Variants in GABRA1 observed in about 807,000 individuals in gnomAD.
GABRA1 encodes gamma-aminobutyric acid receptor subunit alpha-1.
GABRA1 carries 9 observed loss-of-function variants against 48.9 expected under a neutral mutation model. The ratio of observed to expected loss-of-function variants is 0.18; its 90% CI spans 0.11 to 0.32. The LOEUF is 0.32. Among genes scored for constraint, GABRA1 ranks in the 10% least tolerant of loss-of-function variants. GABRA1 has a pLI of 1.00. For missense variants in GABRA1, 285 were observed against 553.8 expected (o/e 0.51, Z 4.87); for synonymous variants, 210 against 198.7 (o/e 1.06, Z -0.48).
intron 4 of GABRA1, 59 bp downstream of exon 4, chr5:161,865,847 A>G: frequency 1.4e-6 from 2 of 1,438,068 alleles, no homozygotes; most frequent in South Asian, 2.3e-5. Flanking sequence ...AACTTTTCAA[A>G]GAAAAATATA....
Position 161,895,268 on chromosome 5 carries a change from G to C in GABRA1, c.857-398G>C, listed in dbSNP as rs938498395. On this transcript the variant is annotated intron_variant, in intron 8 of 9. Coordinates refer to ENST00000393943, the MANE Select transcript of GABRA1 (RefSeq NM_001127644.2). Reference sequence around the variant, plus strand: ...TGGGGTACATAGAATATTAAACAGAGCTGAGTATCCAGAAGTTACCTGTGG... The same window carrying C: ...TGGGGTACATAGAATATTAAACAGACCTGAGTATCCAGAAGTTACCTGTGG... Among the ~76,000 whole-genome samples, 18 of 152,100 alleles carry C rather than the reference G, an allele frequency of 1.2e-4. 1 individual carries two copies. The highest frequency in any genetic ancestry group is 2.5e-4 in the Non-Finnish European group (17 of 68,008).
intron 2 of GABRA1, 49 bp downstream of exon 2, chr5:161,850,933 A>C (rs1027384166): frequency 3.3e-6 from 5 of 1,499,578 alleles, no homozygotes; most frequent in Non-Finnish European, 4.6e-6. Context: ...GTAACTTTTC[A>C]TTTATTTTAT....
At chr5:161,874,295 A>G (rs998919211) in intron 5 of GABRA1, among the ~76,000 whole-genome samples, 7 of 152,200 alleles carry the variant, frequency 4.6e-5, no homozygotes, top group African/African-American at 1.7e-4. Flanking sequence ...AAATTCTTCA[A>G]GAGACACTTT....
intron 6 of GABRA1, among the ~76,000 whole-genome samples, chr5:161,875,853 A>G (rs1433679890): frequency 6.6e-6 from 1 of 152,216 alleles, no homozygotes; most frequent in African/African-American, 2.4e-5. Flanking sequence ...ACTAGAAAGC[A>G]TGGATTAAAC....
intron 3 of GABRA1, among the ~76,000 whole-genome samples, chr5:161,855,834 G>A (rs552449338): frequency 2.0e-5 from 3 of 151,322 alleles, no homozygotes; most frequent in African/African-American, 7.2e-5. Flanking sequence ...TCCCTAAAAA[G>A]TCAGCAGAAT....
intron 4 of GABRA1, among the ~76,000 whole-genome samples, chr5:161,868,001 G>T (rs1357395935): frequency 5.3e-5 from 8 of 151,530 alleles, no homozygotes; most frequent in African/African-American, 1.9e-4. Context: ...TAGAGTAAAT[G>T]TTAAATTACT....
chr5:161,850,926 A>T, intron 2 of GABRA1, 42 bp downstream of exon 2: 2 of 1,524,292 alleles, frequency 1.3e-6, no homozygotes, highest in Middle Eastern at 1.7e-4. Context: ...AATTTCTGTA[A>T]CTTTTCATTT....
At chr5:161,882,286 T>G (rs1344782003) in intron 6 of GABRA1, 1 of 482,210 alleles carries the variant, frequency 2.1e-6, no homozygotes, top group Non-Finnish European at 3.8e-6. Context: ...ATAAAGAACA[T>G]TTGTTCTTAT....
intron 4 of GABRA1, among the ~76,000 whole-genome samples, chr5:161,868,677 T>C (rs567945465): frequency 3.3e-5 from 5 of 152,274 alleles, no homozygotes; most frequent in African/African-American, 1.2e-4. Context: ...ACAGAGTCAA[T>C]GTCCAATAGG....
intron 4 of GABRA1, among the ~76,000 whole-genome samples, chr5:161,870,242 G>A (rs747094674): frequency 1.2e-4 from 18 of 152,006 alleles, no homozygotes; most frequent in East Asian, 1.9e-4. Flanking sequence ...TCTGCTGCTC[G>A]CCTCTCTCTT....
chr5:161,888,207 T>A (rs890208837), intron 7 of GABRA1, among the ~76,000 whole-genome samples: 1 of 152,140 alleles, frequency 6.6e-6, no homozygotes, highest in Non-Finnish European at 1.5e-5. Flanking sequence ...CATAAGCACT[T>A]GATGTCTAGA....
Position 161,899,638 on chromosome 5 carries a change from T to G in GABRA1, c.*2216T>G, listed in dbSNP as rs556870416. ...TCTACTGTATAAATGATTGCAAAGTTTATCAAAAACAAATTATTATATGTA... is the reference window on the plus strand; with the variant it reads ...TCTACTGTATAAATGATTGCAAAGTGTATCAAAAACAAATTATTATATGTA... On this transcript the variant is annotated 3_prime_UTR_variant, in exon 10 of 10. Coordinates refer to ENST00000393943, the MANE Select transcript of GABRA1 (RefSeq NM_001127644.2). The G allele has an allele frequency of 6.6e-6, 1 of 152,292 alleles. No homozygotes were observed. The highest frequency in any genetic ancestry group is 2.4e-5 in the African/African-American group (1 of 41,564). The allele number at this position is 152,292 out of a possible 1,614,324, so 9.4% of individuals were successfully genotyped here. A position where few individuals can be genotyped will look rare whatever the true frequency, so the allele number is the denominator to read the frequency against.
At chr5:161,893,009 A>AAAAAATAAT (rs1554087333) in intron 8 of GABRA1, among the ~76,000 whole-genome samples, 5 of 122,432 alleles carry the variant, frequency 4.1e-5, no homozygotes, top group East Asian at 2.7e-4. Context: ...CTTCTCAAAA[A>AAAAAATAAT]AATAATAATA....
intron 6 of GABRA1, among the ~76,000 whole-genome samples, chr5:161,877,876 C>T (rs974885656): frequency 5.9e-5 from 9 of 152,176 alleles, no homozygotes; most frequent in Non-Finnish European, 1.0e-4. Flanking sequence ...TGGCTGACTT[C>T]TATCTCTCCA....
At chr5:161,895,422 G>C (rs2113463262) in intron 8 of GABRA1, among the ~76,000 whole-genome samples, 1 of 152,246 alleles carries the variant, frequency 6.6e-6, no homozygotes, top group East Asian at 1.9e-4. Context: ...ATCTTCTGAA[G>C]AGCACCTCAA....
At chr5:161,848,971 T>C (rs1272906768) in intron 1 of GABRA1, 2 of 455,508 alleles carry the variant, frequency 4.4e-6, no homozygotes, top group Non-Finnish European at 8.8e-6. Flanking sequence ...CCCTCTTGTG[T>C]AGGGGTCTCT....
intron 7 of GABRA1, among the ~76,000 whole-genome samples, chr5:161,884,741 G>T (rs1754769478): frequency 6.6e-6 from 1 of 152,168 alleles, no homozygotes; most frequent in Non-Finnish European, 1.5e-5. Context: ...AAATGCAGTA[G>T]TATGCAGGCA....
At chr5:161,868,367 C>G (rs1191091287) in intron 4 of GABRA1, among the ~76,000 whole-genome samples, 2 of 152,006 alleles carry the variant, frequency 1.3e-5, no homozygotes, top group Admixed American at 1.3e-4. Context: ...TATAGGCAGC[C>G]AGCAGCCAAA....
chr5:161,856,685 CT>C (rs1177556019), intron 3 of GABRA1, among the ~76,000 whole-genome samples: 1 of 150,434 alleles, frequency 6.6e-6, no homozygotes, highest in Middle Eastern at 3.2e-3. Context: ...TTTAAATATT[CT>C]TTTTTTGGAA....
Sources: gnomAD v4.1 joint callset for allele counts (sites outside exome capture counted in the v4.1 genomes callset) on GRCh38, gnomAD v4.1.1 for gene constraint, MANE v1.5 for transcripts, NCBI Gene and HGNC (gene_info 2026-07-23, HGNC 2026-07-21) for gene names.